The following STARD13 variants were observed in gnomAD, a reference collection of about 807,000 sequenced individuals.
STARD13 encodes StAR related lipid transfer domain containing 13.
Under a neutral mutation model 106.4 loss-of-function variants are expected in STARD13, and 62 were observed. The observed-to-expected ratio is 0.58, with a 90% CI of 0.48 to 0.72. The LOEUF is 0.72. Among genes scored for constraint, STARD13 ranks in the 30% least tolerant of loss-of-function variants. The probability of loss-of-function intolerance (pLI) is 0.00; values close to 1 mark genes in which losing one functional copy is unlikely to be tolerated. For missense variants in STARD13, 1,387 were observed against 1,424.0 expected, an observed-to-expected ratio of 0.97 and a Z score of 0.42; for synonymous variants, 565 against 553.0, an observed-to-expected ratio of 1.02 and a Z score of -0.31.
At chr13:33,666,109 G>T in the STARD13 span, among the ~76,000 whole-genome samples, 1 of 152,188 alleles carries the variant, frequency 6.6e-6, no homozygotes, top group Non-Finnish European at 1.5e-5. Context: ...GAATCTCTGG[G>T]AATGCTATGG....
intron 1 of STARD13, among the ~76,000 whole-genome samples, chr13:33,220,078 G>A (rs963812985): frequency 7.2e-5 from 11 of 152,222 alleles, no homozygotes; most frequent in Middle Eastern, 3.4e-3. Context: ...TGATGAGGCA[G>A]GGATGTTTTT....
chr13:33,596,735 C>A, the STARD13 span, among the ~76,000 whole-genome samples: 1 of 152,148 alleles, frequency 6.6e-6, no homozygotes, highest in Non-Finnish European at 1.5e-5. Flanking sequence ...CTACCCTCTA[C>A]CTCCATGAGA....
chr13:33,319,017 T>C (rs960002773), intron 1 of STARD13, among the ~76,000 whole-genome samples: 2 of 151,870 alleles, frequency 1.3e-5, no homozygotes, highest in African/African-American at 4.8e-5. Flanking sequence ...AGACACAGAG[T>C]TACCAATGAC....
chr13:33,446,971 G>A, the STARD13 span, among the ~76,000 whole-genome samples: 13 of 152,292 alleles, frequency 8.5e-5, no homozygotes, highest in African/African-American at 3.1e-4. Context: ...TACATAAAGA[G>A]GCTACTTGTT....
chr13:33,225,316 G>T (rs1342646806), intron 1 of STARD13, among the ~76,000 whole-genome samples: 6 of 152,116 alleles, frequency 3.9e-5, no homozygotes, highest in Non-Finnish European at 8.8e-5. Flanking sequence ...AGCCAGACTG[G>T]TTTTTTACAG....
chr13:33,139,889 T>C (rs1416753868), intron 4 of STARD13, among the ~76,000 whole-genome samples: 1 of 152,218 alleles, frequency 6.6e-6, no homozygotes. Flanking sequence ...CTGGTCATTA[T>C]TGAGATTCAT....
intron 4 of STARD13, among the ~76,000 whole-genome samples, chr13:33,140,323 T>A (rs1032442686): frequency 2.0e-4 from 31 of 152,216 alleles, no homozygotes; most frequent in African/African-American, 6.5e-4. Flanking sequence ...GAGCCACACT[T>A]TAGACACACA....
intron 1 of STARD13, among the ~76,000 whole-genome samples, chr13:33,343,081 ACT>A (rs1433717884): frequency 2.0e-5 from 3 of 152,086 alleles, no homozygotes; most frequent in Non-Finnish European, 2.9e-5. Flanking sequence ...CAATTCCTTG[ACT>A]TTTACTTTTG....
chr13:33,239,414 T>C (rs1480943945), intron 1 of STARD13, among the ~76,000 whole-genome samples: 2 of 152,188 alleles, frequency 1.3e-5, no homozygotes, highest in Non-Finnish European at 2.9e-5. Context: ...TGCTGGATTA[T>C]ATGACAATTC....
chr13:33,383,817 A>G, the STARD13 span: 15 of 149,476 alleles, frequency 1.0e-4, no homozygotes, highest in Admixed American at 8.0e-4. Context: ...TTCCCTTTCT[A>G]GTCATCTGCA....
chr13:33,534,770 C>T, the STARD13 span, among the ~76,000 whole-genome samples: 1 of 152,140 alleles, frequency 6.6e-6, no homozygotes, highest in Non-Finnish European at 1.5e-5. Flanking sequence ...TTTATAAAAA[C>T]TTATTTTCCT....
At chr13:33,437,437 G>T in the STARD13 span, among the ~76,000 whole-genome samples, 1 of 152,146 alleles carries the variant, frequency 6.6e-6, no homozygotes, top group East Asian at 1.9e-4. Flanking sequence ...TTAACTTGGT[G>T]TCTGAGGAGT....
chr13:33,519,303 C>A, the STARD13 span, among the ~76,000 whole-genome samples: 33 of 101,262 alleles, frequency 3.3e-4, no homozygotes, highest in African/African-American at 1.8e-3. Context: ...TTCTCTCTCT[C>A]TTTCTTTCTC....
chr13:33,515,964 A>C, the STARD13 span, among the ~76,000 whole-genome samples: 1 of 151,988 alleles, frequency 6.6e-6, no homozygotes, highest in South Asian at 2.1e-4. Context: ...TTTATCTGAT[A>C]GCTTATCTCC....
intron 1 of STARD13, among the ~76,000 whole-genome samples, chr13:33,211,257 C>A (rs1017604282): frequency 1.3e-5 from 2 of 150,962 alleles, no homozygotes; most frequent in South Asian, 2.1e-4. Context: ...TTTAAAATAT[C>A]TTTTAAAAAT....
At chr13:33,312,943 C>G (rs950876438) in intron 1 of STARD13, among the ~76,000 whole-genome samples, 1 of 152,174 alleles carries the variant, frequency 6.6e-6, no homozygotes, top group Admixed American at 6.5e-5. Flanking sequence ...TAACATTGTT[C>G]CTAGGTGATA....
intron 3 of STARD13, among the ~76,000 whole-genome samples, chr13:33,157,318 T>C (rs1455825475): frequency 6.6e-6 from 1 of 152,204 alleles, no homozygotes; most frequent in Admixed American, 6.5e-5. Flanking sequence ...AATTAATTAG[T>C]ATTTATTAAA....
intron 4 of STARD13, among the ~76,000 whole-genome samples, chr13:33,133,627 G>A (rs1198115249): frequency 6.7e-6 from 1 of 148,182 alleles, no homozygotes; most frequent in Non-Finnish European, 1.5e-5. Context: ...TCACAACTCA[G>A]GGCATGCATA....
At chr13:33,338,757 G>C (rs1164499659) in intron 1 of STARD13, among the ~76,000 whole-genome samples, 1 of 151,922 alleles carries the variant, frequency 6.6e-6, no homozygotes, top group Non-Finnish European at 1.5e-5. Flanking sequence ...GGTGGCATGT[G>C]CCTGTAGTCC....
Sources: allele counts gnomAD v4.1 joint callset (sites outside exome capture counted in the v4.1 genomes callset), GRCh38; gene constraint gnomAD v4.1.1; transcripts MANE v1.5; gene names NCBI Gene and HGNC (gene_info 2026-07-23, HGNC 2026-07-21).